COL21A1: variants seen among roughly 807,000 people sequenced by gnomAD.
The protein encoded by COL21A1 is collagen type XXI alpha 1 chain.
Under a neutral mutation model 137.9 loss-of-function variants are expected in COL21A1, and 149 were observed. That is an observed-to-expected ratio of 1.08 (90% CI 0.95 to 1.24). The LOEUF (loss-of-function observed/expected upper bound fraction) is 1.24, where lower values mean the gene tolerates loss of function less well. Ranked by LOEUF, COL21A1 falls within the 50% of genes most tolerant of loss-of-function variation. COL21A1 has a pLI of 0.00. For missense variants in COL21A1, 1,167 were observed against 1,158.4 expected, an observed-to-expected ratio of 1.01 and a Z score of -0.11; for synonymous variants, 456 against 391.5, an observed-to-expected ratio of 1.16 and a Z score of -1.95.
rs181585147 is a variant in COL21A1 at position 56,214,067 on chromosome 6, T to C, written c.-38-31411A>G. ...TAAAATGTCCCTTGGAGTTAAACTTTAATAAGCTAAATGTGAATATTTGTA... is the reference window on the plus strand; with the variant it reads ...TAAAATGTCCCTTGGAGTTAAACTTCAATAAGCTAAATGTGAATATTTGTA... On this transcript the variant is annotated intron_variant, in intron 1 of 29. Transcript: ENST00000244728. 1.3e-3 allele frequency among the ~76,000 whole-genome samples: 202 copies of C among 152,270 alleles called. 1 individual carries two copies. Among genetic ancestry groups the C allele is most frequent in the Non-Finnish European group, 1.9e-3 (126 of 68,000 alleles).
chr6:56,115,218 G>A (rs992548852), intron 16 of COL21A1, among the ~76,000 whole-genome samples: 33 of 150,770 alleles, frequency 2.2e-4, no homozygotes, highest in Non-Finnish European at 4.3e-4. Flanking sequence ...TGGGTGCAGC[G>A]CACCAGCATG....
intron 17 of COL21A1, among the ~76,000 whole-genome samples, chr6:56,084,293 T>C (rs944863316): frequency 6.6e-6 from 1 of 151,724 alleles, no homozygotes; most frequent in Non-Finnish European, 1.5e-5. Flanking sequence ...ATGAGATAGA[T>C]TTTATATTGT....
At chr6:56,105,210 A>C (rs904117329) in intron 16 of COL21A1, among the ~76,000 whole-genome samples, 2 of 152,136 alleles carry the variant, frequency 1.3e-5, no homozygotes, top group East Asian at 3.9e-4. Context: ...TGTTTAACTA[A>C]ATCCCGTCCT....
intron 1 of COL21A1, among the ~76,000 whole-genome samples, chr6:56,221,597 CACCT>C (rs1240467755): frequency 1.3e-5 from 2 of 152,076 alleles, no homozygotes; most frequent in Non-Finnish European, 2.9e-5. Flanking sequence ...TCGTGTCACA[CACCT>C]ATAATTCCAG....
intron 16 of COL21A1, among the ~76,000 whole-genome samples, chr6:56,109,163 G>GA (rs1467104768): frequency 6.6e-6 from 1 of 150,694 alleles, no homozygotes; most frequent in Non-Finnish European, 1.5e-5. Context: ...GCAAAAGCTA[G>GA]AAAAAATGTA....
intron 17 of COL21A1, among the ~76,000 whole-genome samples, chr6:56,087,256 G>A (rs1419979832): frequency 1.3e-5 from 2 of 152,156 alleles, no homozygotes; most frequent in East Asian, 3.9e-4. Context: ...CGTCAGTGGT[G>A]TAATTCTTCC....
intron 16 of COL21A1, among the ~76,000 whole-genome samples, chr6:56,119,345 ATATC>A (rs3065906): frequency 0.01 from 1,582 of 152,116 alleles, 22 homozygotes; most frequent in African/African-American, 0.036. Flanking sequence ...ATAAAATTAA[ATATC>A]TAAGAATTGA....
chr6:56,330,908 C>T (rs1765205968), intron 1 of COL21A1, among the ~76,000 whole-genome samples: 1 of 152,132 alleles, frequency 6.6e-6, no homozygotes, highest in Non-Finnish European at 1.5e-5. Context: ...TACTAATTCA[C>T]ATTCCCACCA....
At chr6:56,228,044 C>T (rs1781322139) in intron 1 of COL21A1, among the ~76,000 whole-genome samples, 1 of 151,764 alleles carries the variant, frequency 6.6e-6, no homozygotes, top group South Asian at 2.1e-4. Flanking sequence ...TGAAGTGAAC[C>T]GCCCATGGAG....
At chr6:56,119,109 G>T (rs1029173145) in intron 16 of COL21A1, among the ~76,000 whole-genome samples, 1 of 152,024 alleles carries the variant, frequency 6.6e-6, no homozygotes, top group Non-Finnish European at 1.5e-5. Flanking sequence ...GTTATAAAGG[G>T]CATCCAAATT....
rs1026969964 is a variant in COL21A1, at chr6:56,182,511, A to G, written c.88+20T>C. 8.7e-6 allele frequency: 13 copies of G among 1,502,756 alleles called. No individual in the cohort carries two copies. Among genetic ancestry groups the G allele is most frequent in the Non-Finnish European group, 1.1e-5 (12 of 1,091,228 alleles). The allele number at this position is 1,502,756 out of a possible 1,614,324, so 93.1% of individuals were successfully genotyped here. A position where few individuals can be genotyped will look rare whatever the true frequency, so the allele number is the denominator to read the frequency against. On this transcript the variant is annotated intron_variant, in intron 2 of 29. Coordinates refer to ENST00000244728, the MANE Select transcript of COL21A1 (RefSeq NM_030820.4). ...ATTAATTTGTTGATAACAAAAAAGG[A>G]CAATGCTGATAGTTCTTACTTGATC...
At chr6:56,358,181 G>T (rs936400793) in intron 1 of COL21A1, among the ~76,000 whole-genome samples, 5 of 151,944 alleles carry the variant, frequency 3.3e-5, no homozygotes, top group Non-Finnish European at 5.9e-5. Context: ...TAGGTTTCAG[G>T]GAATGCAATA....
chr6:56,095,222 G>A (rs16887565), intron 17 of COL21A1, among the ~76,000 whole-genome samples: 3,539 of 152,076 alleles, frequency 0.023, 74 homozygotes, highest in East Asian at 0.056. Context: ...ACATACTTTA[G>A]GATCACTTGC....
intron 1 of COL21A1, among the ~76,000 whole-genome samples, chr6:56,294,861 T>C (rs767231055): frequency 7.9e-5 from 12 of 152,058 alleles, no homozygotes; most frequent in Non-Finnish European, 1.6e-4. Context: ...TCAGATATGG[T>C]GGCAGAAATT....
upstream of COL21A1, among the ~76,000 whole-genome samples, chr6:56,252,465 T>A (rs1443511022): frequency 2.0e-5 from 3 of 152,246 alleles, no homozygotes; most frequent in East Asian, 5.8e-4. Context: ...TTTTAAAAAA[T>A]GAATCCTTTG....
At chr6:56,142,032 C>A in intron 10 of COL21A1, 49 bp from the exon 11 acceptor site, 2 of 1,341,026 alleles carry the variant, frequency 1.5e-6, no homozygotes, top group Non-Finnish European at 1.0e-6. Flanking sequence ...TCATATTTAC[C>A]AAGAGAAGTT....
chr6:56,339,308 G>A (rs748835594), intron 1 of COL21A1, among the ~76,000 whole-genome samples: 2 of 152,136 alleles, frequency 1.3e-5, no homozygotes, highest in South Asian at 2.1e-4. Context: ...AGATGGCAAC[G>A]TCTATGTTTT....
At chr6:56,136,994 A>C (rs1774054491) in intron 12 of COL21A1, among the ~76,000 whole-genome samples, 1 of 152,126 alleles carries the variant, frequency 6.6e-6, no homozygotes, top group African/African-American at 2.4e-5. Context: ...AGTAGACTAA[A>C]AGAAGCACAA....
intron 23 of COL21A1, among the ~76,000 whole-genome samples, chr6:56,064,843 C>T (rs1367381601): frequency 6.6e-6 from 1 of 151,876 alleles, no homozygotes; most frequent in African/African-American, 2.4e-5. Flanking sequence ...AGATAAGGAA[C>T]AAATTACTGA....
Sources: allele counts gnomAD v4.1 joint callset (sites outside exome capture counted in the v4.1 genomes callset), GRCh38; gene constraint gnomAD v4.1.1; transcripts MANE v1.5; gene names NCBI Gene and HGNC (gene_info 2026-07-23, HGNC 2026-07-21).